The following PID1 variants were observed in gnomAD, a reference collection of about 807,000 sequenced individuals.
The protein encoded by PID1 is phosphotyrosine interaction domain containing 1.
A neutral mutation model predicts 19.1 loss-of-function variants in PID1; 10 were observed. The ratio of observed to expected loss-of-function variants is 0.52; its 90% confidence interval spans 0.32 to 0.89. The LOEUF (loss-of-function observed/expected upper bound fraction) is 0.89. Among genes scored for constraint, PID1 ranks in the 40% least tolerant of loss-of-function variants. The pLI is 0.03. For synonymous variants in PID1, 130 were observed against 116.0 expected (o/e 1.12, Z -0.78); for missense variants, 248 against 285.3 (o/e 0.87, Z 0.94).
chr2:229,098,588 G>C (rs1695016615), intron 2 of PID1, among the ~76,000 whole-genome samples: 1 of 152,090 alleles, frequency 6.6e-6, no homozygotes, highest in South Asian at 2.1e-4. Flanking sequence ...CCTGGGGCTG[G>C]GGGGGAAGAA....
rs141634740 is a variant in PID1 at position 229,208,895 on chromosome 2, G to T, written c.31-52931C>A. Among the ~76,000 whole-genome samples the T allele has an allele frequency of 1.7e-4, 26 of 152,250 alleles. No individual in the cohort carries two copies. In the East Asian group the frequency reaches 4.3e-3, roughly 25 times the overall value. On this transcript the variant is annotated intron_variant, in intron 1 of 2. Coordinates refer to ENST00000392055, the MANE Select transcript of PID1 (RefSeq NM_001100818.2). The stretch of plus-strand genomic sequence containing the variant: ...CACAGTTAATGAAAATTAGAGAGGA[G>T]CCCTGGTGTAAGATGATAAATGGCA...
At chr2:229,110,279 T>C (rs1695270739) in intron 2 of PID1, among the ~76,000 whole-genome samples, 1 of 152,162 alleles carries the variant, frequency 6.6e-6, no homozygotes, top group Non-Finnish European at 1.5e-5. Flanking sequence ...GTGGAAGTGA[T>C]GAAAGCCCAC....
At chr2:229,126,938 C>T (rs748980040) in intron 2 of PID1, among the ~76,000 whole-genome samples, 1 of 152,220 alleles carries the variant, frequency 6.6e-6, no homozygotes, top group Non-Finnish European at 1.5e-5. Context: ...TGGTCAGGCT[C>T]CTCCAAGCAG....
chr2:229,085,687 A>C (rs1038434163), intron 2 of PID1, among the ~76,000 whole-genome samples: 1 of 152,186 alleles, frequency 6.6e-6, no homozygotes, highest in Non-Finnish European at 1.5e-5. Flanking sequence ...CATAAATAGA[A>C]AAGTAGATTC....
chr2:229,267,363 A>G (rs528084230), intron 1 of PID1, among the ~76,000 whole-genome samples: 2 of 152,320 alleles, frequency 1.3e-5, no homozygotes, highest in East Asian at 3.9e-4. Context: ...TTGTGAATAA[A>G]AAGCTGTTTT....
At chr2:229,099,851 T>C (rs1473345399) in intron 2 of PID1, among the ~76,000 whole-genome samples, 1 of 152,216 alleles carries the variant, frequency 6.6e-6, no homozygotes, top group Non-Finnish European at 1.5e-5. Flanking sequence ...TATTTTTACA[T>C]TGTATAATTG....
At chr2:229,203,558 T>C (rs1219106873) in intron 1 of PID1, among the ~76,000 whole-genome samples, 1 of 152,082 alleles carries the variant, frequency 6.6e-6, no homozygotes, top group African/African-American at 2.4e-5. Flanking sequence ...ATAAGAAAAA[T>C]AAATGATATA....
chr2:229,179,108 A>C (rs1006572118), intron 1 of PID1, among the ~76,000 whole-genome samples: 3 of 152,186 alleles, frequency 2.0e-5, no homozygotes, highest in African/African-American at 7.2e-5. Context: ...CTTGGTCCCA[A>C]GACCATCAAC....
intron 2 of PID1, among the ~76,000 whole-genome samples, chr2:229,066,038 T>C (rs530522610): frequency 1.3e-5 from 2 of 152,140 alleles, no homozygotes; most frequent in Admixed American, 6.5e-5. Flanking sequence ...TCTAACACAA[T>C]TGCTGTTGAA....
At chr2:229,198,756 G>A (rs1362247205) in intron 1 of PID1, among the ~76,000 whole-genome samples, 3 of 151,948 alleles carry the variant, frequency 2.0e-5, no homozygotes, top group African/African-American at 7.2e-5. Context: ...AAAACATATT[G>A]CAAATGCAAC....
intron 1 of PID1, among the ~76,000 whole-genome samples, chr2:229,265,463 A>T (rs1226178400): frequency 2.0e-5 from 3 of 152,232 alleles, no homozygotes; most frequent in East Asian, 3.8e-4. Flanking sequence ...ATGCTTTATC[A>T]CTGATTAGCA....
intron 2 of PID1, among the ~76,000 whole-genome samples, chr2:229,052,099 C>A (rs939133905): frequency 2.6e-5 from 4 of 152,132 alleles, no homozygotes; most frequent in South Asian, 2.1e-4. Flanking sequence ...ATAGTTGACG[C>A]CCTCCACTTC....
At chr2:229,228,045 T>A (rs1692119702) in intron 1 of PID1, 1 of 455,834 alleles carries the variant, frequency 2.2e-6, no homozygotes, top group African/African-American at 2.0e-5. Flanking sequence ...GTATTGTGAC[T>A]GGAGTTGCAG....
At chr2:229,039,900 A>G (rs1431482763) in intron 2 of PID1, among the ~76,000 whole-genome samples, 4 of 152,190 alleles carry the variant, frequency 2.6e-5, no homozygotes, top group African/African-American at 9.6e-5. Flanking sequence ...GGAATTTACA[A>G]TGAAGGTACT....
At chr2:229,251,232 A>G (rs1455535598) in intron 1 of PID1, among the ~76,000 whole-genome samples, 3 of 152,016 alleles carry the variant, frequency 2.0e-5, no homozygotes, top group Admixed American at 1.3e-4. Context: ...TTAATAAAGC[A>G]CACAAGATTT....
At chr2:229,143,178 A>C (rs1281944605) in intron 2 of PID1, among the ~76,000 whole-genome samples, 2 of 135,552 alleles carry the variant, frequency 1.5e-5, no homozygotes, top group East Asian at 5.0e-4. Context: ...GGGGAACATC[A>C]CACTCTGGGG....
intron 2 of PID1, among the ~76,000 whole-genome samples, chr2:229,139,146 A>AAAGCAAGC (rs1273377953): frequency 9.2e-5 from 10 of 109,026 alleles, no homozygotes; most frequent in African/African-American, 2.9e-4. Flanking sequence ...AGAAAGAAAG[A>AAAGCAAGC]AAGCAAGCGA....
At chr2:229,125,472 C>G (rs1695604639) in intron 2 of PID1, among the ~76,000 whole-genome samples, 1 of 151,614 alleles carries the variant, frequency 6.6e-6, no homozygotes, top group African/African-American at 2.4e-5. Flanking sequence ...AAGTTCTTCT[C>G]TATTAATTAT....
intron 1 of PID1, among the ~76,000 whole-genome samples, chr2:229,216,399 G>A (rs186927235): frequency 2.2e-4 from 33 of 152,198 alleles, no homozygotes; most frequent in African/African-American, 7.5e-4. Flanking sequence ...GTGTTCTGAT[G>A]GTTTTCCTTT....
Sources: gnomAD v4.1 joint callset for allele counts (sites outside exome capture counted in the v4.1 genomes callset) on GRCh38, gnomAD v4.1.1 for gene constraint, MANE v1.5 for transcripts, NCBI Gene and HGNC (gene_info 2026-07-23, HGNC 2026-07-21) for gene names.